Variants in HSD17B11 observed in about 807,000 individuals in gnomAD.
HSD17B11 encodes hydroxysteroid 17-beta dehydrogenase 11.
A neutral mutation model predicts 27.8 loss-of-function variants in HSD17B11; 22 were observed. The observed-to-expected ratio is 0.79, with a 90% CI of 0.56 to 1.13. The LOEUF (loss-of-function observed/expected upper bound fraction) is 1.13, where lower values mean the gene tolerates loss of function less well. HSD17B11 is among the 50% of genes most tolerant of loss of function. HSD17B11 has a pLI of 0.00. For synonymous variants in HSD17B11, 117 were observed against 132.8 expected, an observed-to-expected ratio of 0.88 and a Z score of 0.82; for missense variants, 314 against 351.1, an observed-to-expected ratio of 0.89 and a Z score of 0.84.
chr4:87,381,021 A>G (rs888333492), intron 2 of HSD17B11, among the ~76,000 whole-genome samples: 1 of 151,248 alleles, frequency 6.6e-6, no homozygotes, highest in Non-Finnish European at 1.5e-5. Flanking sequence ...CCCCATCTCT[A>G]CAAAAACACA....
chr4:87,389,968 A>T (rs764103629), intron 1 of HSD17B11, among the ~76,000 whole-genome samples: 107 of 152,058 alleles, frequency 7.0e-4, no homozygotes, highest in Non-Finnish European at 1.3e-3. Context: ...AATGTTTTTT[A>T]AAAAAATTTG....
At chr4:87,338,379 A>G (rs926183458) in intron 6 of HSD17B11, among the ~76,000 whole-genome samples, 1 of 152,220 alleles carries the variant, frequency 6.6e-6, no homozygotes, top group African/African-American at 2.4e-5. Flanking sequence ...TAATATACAG[A>G]AATCTGCCTA....
At chr4:87,373,522 CA>C (rs1367446017) in intron 3 of HSD17B11, among the ~76,000 whole-genome samples, 2 of 151,930 alleles carry the variant, frequency 1.3e-5, no homozygotes, top group Non-Finnish European at 1.5e-5. Context: ...TCAGCCTGTG[CA>C]ACATGGCAAA....
intron 2 of HSD17B11, among the ~76,000 whole-genome samples, chr4:87,378,294 TC>T (rs1213961751): frequency 6.6e-6 from 1 of 152,164 alleles, no homozygotes; most frequent in East Asian, 1.9e-4. Context: ...GCCTATTACC[TC>T]CCCAGGATAT....
intron 3 of HSD17B11, chr4:87,374,449 C>G (rs1248652274): frequency 3.6e-6 from 1 of 274,862 alleles, no homozygotes; most frequent in Admixed American, 5.3e-5. Context: ...GAGAACCTAG[C>G]TTAGAATTAA....
In HSD17B11 at chr4:87,337,126, T is replaced by C. The variant is rs556033716; in HGVS notation, c.*150A>G. 10 of 659,240 alleles carry C rather than the reference T, an allele frequency of 1.5e-5. No individual in the cohort carries two copies. The highest frequency in any genetic ancestry group is 8.4e-5 in the East Asian group (3 of 35,782). 40.8% of individuals were successfully genotyped at this position (659,240 alleles called of 1,614,324 possible). A position where few individuals can be genotyped will look rare whatever the true frequency, so the allele number is the denominator to read the frequency against. On this transcript the variant is annotated 3_prime_UTR_variant, in exon 7 of 7. Coordinates refer to ENST00000358290, the MANE Select transcript of HSD17B11 (RefSeq NM_016245.5). ...AATCAGCTTTTGGCTAAAGAACAAG[T>C]GGTAGTAAATGAAGACTGCCAAAGC...
At chr4:87,379,204 G>T (rs922620255) in intron 2 of HSD17B11, among the ~76,000 whole-genome samples, 1 of 148,800 alleles carries the variant, frequency 6.7e-6, no homozygotes, top group East Asian at 2.0e-4. Flanking sequence ...TGACCATGTT[G>T]CCCAGGCTGA....
At chr4:87,369,923 C>CA (rs1182908838) in intron 4 of HSD17B11, among the ~76,000 whole-genome samples, 1 of 152,076 alleles carries the variant, frequency 6.6e-6, no homozygotes, top group African/African-American at 2.4e-5. Context: ...TAGCAAGCAG[C>CA]AAAAAACATT....
chr4:87,364,861 G>A (rs576449361), intron 4 of HSD17B11, among the ~76,000 whole-genome samples: 1 of 152,288 alleles, frequency 6.6e-6, no homozygotes, highest in South Asian at 2.1e-4. Flanking sequence ...TCTGAAACCT[G>A]TCATCCAATT....
chr4:87,390,936 C>T lies in HSD17B11; in HGVS notation c.135G>A (p.Gly45=), dbSNP rs1228194619. 4 of 1,614,154 alleles carry T rather than the reference C, an allele frequency of 2.5e-6. No individual in the cohort carries two copies. In the South Asian group the frequency reaches 3.3e-5, roughly 13 times the overall value. Residue 45 remains glycine, a synonymous_variant, in exon 1 of 7, where the codon GGG becomes GGA. Transcript: ENST00000358290. ...TGEIVLITGA[G]HGIGRLTAYE... is the part of the protein sequence containing the mutation. ...AGGCAGTCAGTCTCCCAATTCCATG[C>T]CCAGCTCCTGTAATCAGCACGATTT...
chr4:87,382,412 A>G, intron 1 of HSD17B11, 50 bp from the exon 2 acceptor site: 2 of 1,045,950 alleles, frequency 1.9e-6, no homozygotes, highest in South Asian at 2.8e-5. Context: ...TGAACATATT[A>G]TATCGACAGC....
intron 2 of HSD17B11, among the ~76,000 whole-genome samples, chr4:87,378,910 A>ATATATTTATATATATATATATATTTTTT: frequency 7.9e-5 from 1 of 12,610 alleles, no homozygotes; most frequent in Non-Finnish European, 1.2e-4. Context: ...ATATAAATAT[A>ATATATTTATATATATATATATATTTTTT]TATATATAAA....
At chr4:87,359,626 G>A (rs1296346951) in intron 4 of HSD17B11, among the ~76,000 whole-genome samples, 1 of 152,098 alleles carries the variant, frequency 6.6e-6, no homozygotes, top group East Asian at 1.9e-4. Flanking sequence ...AGTCTCTCAC[G>A]GCGCTGGGAT....
chr4:87,339,557 T>C (rs951312074), intron 6 of HSD17B11, among the ~76,000 whole-genome samples: 1 of 152,196 alleles, frequency 6.6e-6, no homozygotes, highest in Non-Finnish European at 1.5e-5. Context: ...AAGCCCAGTC[T>C]AGGACAGGCA....
At chr4:87,339,330 T>C (rs1735119955) in intron 6 of HSD17B11, among the ~76,000 whole-genome samples, 2 of 152,260 alleles carry the variant, frequency 1.3e-5, no homozygotes, top group Non-Finnish European at 2.9e-5. Flanking sequence ...CAAGAAAGCC[T>C]AACATATGTC....
intron 4 of HSD17B11, among the ~76,000 whole-genome samples, chr4:87,358,598 TGTG>T (rs1735437460): frequency 6.6e-6 from 1 of 152,208 alleles, no homozygotes; most frequent in African/African-American, 2.4e-5. Context: ...ACTTAAAAGT[TGTG>T]GTATAATATA....
intron 1 of HSD17B11, among the ~76,000 whole-genome samples, chr4:87,383,358 C>A (rs1192940056): frequency 6.6e-6 from 1 of 151,818 alleles, no homozygotes; most frequent in African/African-American, 2.4e-5. Context: ...TTTTAGGGGT[C>A]AACACTGGAG....
At chr4:87,357,153 G>A in intron 5 of HSD17B11, 126 bp downstream of exon 5, 1 of 1,044,566 alleles carries the variant, frequency 9.6e-7, no homozygotes, top group Non-Finnish European at 1.3e-6. Context: ...TGCAGAAACT[G>A]AAATCAAAAT....
chr4:87,338,431 A>T (rs1322973422), intron 6 of HSD17B11, among the ~76,000 whole-genome samples: 2 of 152,222 alleles, frequency 1.3e-5, no homozygotes. Context: ...CACCAATGTG[A>T]CCTCATAACA....
Sources: gnomAD v4.1 joint callset for allele counts (sites outside exome capture counted in the v4.1 genomes callset) on GRCh38, gnomAD v4.1.1 for gene constraint, MANE v1.5 for transcripts, NCBI Gene and HGNC (gene_info 2026-07-23, HGNC 2026-07-21) for gene names.